Variants in GGA3 observed in about 807,000 individuals in gnomAD.
GGA3 encodes ADP-ribosylation factor-binding protein GGA3.
Under a neutral mutation model 77.5 loss-of-function variants are expected in GGA3, and 57 were observed. The observed-to-expected ratio is 0.74, with a 90% CI of 0.59 to 0.92. The LOEUF (loss-of-function observed/expected upper bound fraction) is 0.92. Among genes scored for constraint, GGA3 ranks in the 40% least tolerant of loss-of-function variants. GGA3 has a pLI of 0.00. For missense variants in GGA3, 970 were observed against 914.9 expected (o/e 1.06, Z -0.78); for synonymous variants, 416 against 383.7 (o/e 1.08, Z -0.98).
intron 16 of GGA3, 84 bp from the exon 17 acceptor site, chr17:75,238,473 G>T: frequency 1.6e-6 from 2 of 1,241,474 alleles, no homozygotes; most frequent in African/African-American, 1.5e-5. Context: ...CTCTGTGCTA[G>T]AGGAATGGTC....
chr17:75,257,069 C>T (rs8067848), intron 1 of GGA3, among the ~76,000 whole-genome samples: 140,175 of 151,802 alleles, frequency 0.92, 64,753 homozygotes, highest in East Asian at 1. Context: ...TCAAGAAAAG[C>T]AGAACGGACT....
chr17:75,240,598 C>A lies in GGA3; in HGVS notation c.1193-186G>T, dbSNP rs2076514063. ...AGTCCATGATGCAGAAGCGGGGGGC[C>A]TGTGGGGCGGGGTGCAGGGCAGGAG... On this transcript the variant is annotated intron_variant, in intron 11 of 16. Transcript: ENST00000537686. The A allele has an allele frequency of 1.3e-5, 9 of 668,404 alleles. No homozygotes were observed. The East Asian group carries it at 2.2e-4, about 16-fold the overall frequency. 41.4% of individuals were successfully genotyped at this position (668,404 alleles called of 1,614,324 possible). A position where few individuals can be genotyped will look rare whatever the true frequency, so the allele number is the denominator to read the frequency against.
chr17:75,259,286 C>T (rs1355453921), intron 1 of GGA3, among the ~76,000 whole-genome samples: 1 of 152,136 alleles, frequency 6.6e-6, no homozygotes, highest in East Asian at 1.9e-4. Context: ...GCAAAATCTT[C>T]TTAAACTTCC....
In GGA3 at chr17:75,238,379, C is replaced by T. The variant is rs199727414; in HGVS notation, c.2072G>A (p.Arg691Gln). ...GGCGAAGGTCAGCTTATACCGAAGC[C>T]GCACCTTCTCCTGTGACAGAGGGCA... ...LLANPLKEKV[R>Q]LRYKLTFALG... The change falls in exon 17 of 17, where the codon CGG (arginine) becomes CAG (glutamine). Residue 691 changes from arginine to glutamine, a missense_variant. Transcript: ENST00000537686. The T allele has an allele frequency of 6.8e-6, 11 of 1,613,454 alleles. No homozygotes were observed. The highest frequency in any genetic ancestry group is 2.2e-5 in the South Asian group (2 of 91,066).
chr17:75,248,707 A>G (rs1201292270), intron 1 of GGA3: 1 of 240,836 alleles, frequency 4.2e-6, no homozygotes, highest in African/African-American at 2.3e-5. Context: ...AATCGCTTGA[A>G]CCTGGGAGGC....
At chr17:75,258,113 A>G (rs2145604478) in intron 1 of GGA3, among the ~76,000 whole-genome samples, 1 of 152,172 alleles carries the variant, frequency 6.6e-6, no homozygotes, top group South Asian at 2.1e-4. Flanking sequence ...CCCGCAAAAC[A>G]TTGCTCTTAA....
At chr17:75,260,472 G>A (rs1360621608) in intron 1 of GGA3, among the ~76,000 whole-genome samples, 1 of 152,222 alleles carries the variant, frequency 6.6e-6, no homozygotes, top group African/African-American at 2.4e-5. Context: ...TGCAGATTTT[G>A]CAAACGTGAT....
intron 1 of GGA3, among the ~76,000 whole-genome samples, chr17:75,247,434 G>C (rs527417130): frequency 5.3e-5 from 8 of 152,010 alleles, no homozygotes; most frequent in Non-Finnish European, 1.0e-4. Flanking sequence ...AACTAATTTT[G>C]TATTTTTGGT....
intron 14 of GGA3, 83 bp from the exon 15 acceptor site, chr17:75,239,166 TC>T: frequency 7.6e-7 from 1 of 1,311,816 alleles, no homozygotes; most frequent in Non-Finnish European, 1.1e-6. Context: ...AAAGGGCTAC[TC>T]CGTGGTCATG....
Position 75,238,712 on chromosome 17 carries a change from A to G in GGA3, c.2001T>C (p.Phe667=). 1.2e-6 allele frequency: 2 copies of G among 1,613,902 alleles called. No individual in the cohort carries two copies. Among genetic ancestry groups the G allele is most frequent in the South Asian group, 2.2e-5 (2 of 91,080 alleles). The part of the protein sequence containing the change: ...QPPSGTELSP[F]SPIQPPAAIT... ...TGGCTGCAGGTGGCTGGATGGGGCT[A>G]AATGGAGAGAGTTCTGTCCCAGAAG... The change falls in exon 16 of 17, where the codon TTT becomes TTC. Residue 667 remains phenylalanine (F), a synonymous_variant. Transcript: ENST00000537686.
intron 7 of GGA3, among the ~76,000 whole-genome samples, 162 bp from the exon 8 acceptor site, chr17:75,242,635 G>C (rs1247294858): frequency 6.6e-6 from 1 of 152,092 alleles, no homozygotes; most frequent in Non-Finnish European, 1.5e-5. Flanking sequence ...TCACAACACT[G>C]CTCCCAACCC....
Position 75,237,094 on chromosome 17 carries a change from G to A in GGA3, c.*1185C>T, listed in dbSNP as rs1440164449. 1 of 241,030 alleles carries A rather than the reference G, an allele frequency of 4.1e-6. No homozygotes were observed. Among genetic ancestry groups the A allele is most frequent in the African/African-American group, 2.2e-5 (1 of 44,976 alleles). The allele number at this position is 241,030 out of a possible 1,614,324, so 14.9% of individuals were successfully genotyped here. A position where few individuals can be genotyped will look rare whatever the true frequency, so the allele number is the denominator to read the frequency against. The stretch of plus-strand genomic sequence containing the variant: ...AGCTGGTGATTTTTTTTTTGTGACG[G>A]AGGCTTGGAGTACATGTCCCAGGAT... On this transcript the variant is annotated 3_prime_UTR_variant, in exon 17 of 17. Coordinates refer to ENST00000537686, the MANE Select transcript of GGA3 (RefSeq NM_138619.4).
intron 11 of GGA3, 69 bp downstream of exon 11, chr17:75,240,743 C>T: frequency 6.6e-7 from 1 of 1,510,940 alleles, no homozygotes; most frequent in Non-Finnish European, 8.8e-7. Flanking sequence ...CTCAGGGCTC[C>T]TAATTCCACA....
At chr17:75,244,348 C>T in intron 4 of GGA3, 1 of 370,464 alleles carries the variant, frequency 2.7e-6, no homozygotes, top group South Asian at 2.8e-5. Context: ...TGCCTAGAGT[C>T]CCACACTACA....
Position 75,243,159 on chromosome 17 carries a change from C to T in GGA3, c.432G>A (p.Val144=). The change falls in exon 6 of 17, where the codon GTG becomes GTA. Residue 144 remains valine (V), a synonymous_variant. Transcript: ENST00000537686. ...CCACAGGAATTGGTGGGTCAGACTG[C>T]ACTATGCCTGAAAGGGGACATGGCA... ...AYHMLKRQGI[V]QSDPPIPVDR... The T allele has an allele frequency of 6.2e-7, 1 of 1,606,508 alleles. No individual in the cohort carries two copies. Among genetic ancestry groups the T allele is most frequent in the South Asian group, 1.1e-5 (1 of 90,306 alleles).
At chr17:75,262,118 G>A (rs1236104115), upstream of GGA3, 7 of 1,053,234 alleles carry the variant, frequency 6.6e-6, no homozygotes, top group African/African-American at 1.6e-5. Flanking sequence ...AGTTAGCTGC[G>A]TGACCCTGCG....
rs2076333771 is a variant in GGA3, at chr17:75,236,768, A to G, written c.*1511T>C. The G allele has an allele frequency of 6.5e-6, 1 of 154,008 alleles. No homozygotes were observed. Among genetic ancestry groups the G allele is most frequent in the Non-Finnish European group, 1.4e-5 (1 of 68,986 alleles). 9.5% of individuals were successfully genotyped at this position (154,008 alleles called of 1,614,324 possible). On this transcript the variant is annotated 3_prime_UTR_variant, in exon 17 of 17. Coordinates refer to ENST00000537686, the MANE Select transcript of GGA3 (RefSeq NM_138619.4). ...AGTTCCATTTCCACATAGTAATTCC[A>G]CAGACATTCCCAGGGCTGCAGCAGC...
Position 75,239,035 on chromosome 17 carries a change from A to T in GGA3, c.1829T>A (p.Leu610His). The change falls in exon 15 of 17, where the codon CTC (leucine) becomes CAC (histidine). Residue 610 changes from leucine (L) to histidine (H), a missense_variant. Physicochemically the swap from Leu to His is moderately conservative, Grantham distance 99 (BLOSUM62 -3). Transcript: ENST00000537686. ...GGGACACTCCTTGGCAAAGTGGAAG[A>T]GGATGCGGAAGCCGTTTTTATCGTA... ...TAYDKNGFRI[L>H]FHFAKECPPG... 2 of 1,614,006 alleles carry T rather than the reference A, an allele frequency of 1.2e-6. No homozygotes were observed. Among genetic ancestry groups the T allele is most frequent in the Non-Finnish European group, 1.7e-6 (2 of 1,179,990 alleles).
At position 75,243,556 on chromosome 17, in the gene GGA3, C is replaced by A; in HGVS notation, c.315G>T (p.Arg105Ser). The change falls in exon 5 of 17, where the codon AGG becomes AGT. Residue 105 changes from arginine to serine, a missense_variant. By Grantham distance (110) the Arg-to-Ser change is moderately radical. Coordinates refer to ENST00000537686, the MANE Select transcript of GGA3 (RefSeq NM_138619.4). ...CCTTGGTCTTCACTTTCTCAGACAC[C>A]CTGTCCCCCAGGTACTACATGGCAA... ...KVVSPKYLGD[R>S]VSEKVKTKVI... 1 of 1,614,052 alleles carries A rather than the reference C, an allele frequency of 6.2e-7. No homozygotes were observed. Among genetic ancestry groups the A allele is most frequent in the Middle Eastern group, 1.7e-4 (1 of 6,058 alleles).
Sources: gnomAD v4.1 joint callset for allele counts (sites outside exome capture counted in the v4.1 genomes callset) on GRCh38, gnomAD v4.1.1 for gene constraint, MANE v1.5 for transcripts, NCBI Gene and HGNC (gene_info 2026-07-23, HGNC 2026-07-21) for gene names.